The following PTPRD variants were observed in gnomAD, a reference collection of about 807,000 sequenced individuals.
The protein encoded by PTPRD is receptor-type tyrosine-protein phosphatase delta.
PTPRD carries 34 observed loss-of-function variants against 214.5 expected under a neutral mutation model. That is an observed-to-expected ratio of 0.16 (90% CI 0.12 to 0.21). PTPRD has a LOEUF of 0.21. PTPRD is among the 10% of genes least tolerant of loss of function. The pLI, the probability that PTPRD is intolerant of heterozygous loss-of-function variation, is 1.00. For synonymous variants in PTPRD, 1,128 were observed against 845.7 expected, an observed-to-expected ratio of 1.33 and a Z score of -5.79; for missense variants, 2,545 against 2,398.7, an observed-to-expected ratio of 1.06 and a Z score of -1.27.
intron 9 of PTPRD, among the ~76,000 whole-genome samples, chr9:9,367,780 C>T (rs1026062414): frequency 1.3e-5 from 2 of 151,616 alleles, no homozygotes; most frequent in Admixed American, 1.3e-4. Context: ...ATTTGCAAAG[C>T]AATCTGAGAA....
chr9:10,447,077 AC>A (rs1238001104), intron 2 of PTPRD, among the ~76,000 whole-genome samples: 1 of 152,100 alleles, frequency 6.6e-6, no homozygotes, highest in African/African-American at 2.4e-5. Context: ...CAGAGAGAAA[AC>A]TTTTGCCAAC....
intron 7 of PTPRD, among the ~76,000 whole-genome samples, chr9:9,609,436 C>A (rs1264596570): frequency 6.6e-6 from 1 of 152,070 alleles, no homozygotes; most frequent in African/African-American, 2.4e-5. Flanking sequence ...AGATGTATAT[C>A]AAGTAACAAT....
chr9:8,829,000 C>A (rs2097230138), intron 11 of PTPRD, among the ~76,000 whole-genome samples: 1 of 152,188 alleles, frequency 6.6e-6, no homozygotes, highest in Non-Finnish European at 1.5e-5. Context: ...ACTGTGCCAG[C>A]AATGCCATCT....
In PTPRD at chr9:10,535,164, C is replaced by A. The variant is rs567333383; in HGVS notation, c.-600+77234G>T. On this transcript the variant is annotated intron_variant, in intron 2 of 45. Transcript: ENST00000381196. ...TTTTATGGAGAATATGTTTTATAAA[C>A]CCCAAGGGACCATTTATCACAAATT... 2.3e-3 allele frequency among the ~76,000 whole-genome samples: 354 copies of A among 152,132 alleles called. 2 individuals carry two copies. Among genetic ancestry groups the A allele is most frequent in the Non-Finnish European group, 4.2e-3 (287 of 68,002 alleles).
intron 7 of PTPRD, among the ~76,000 whole-genome samples, chr9:9,690,184 T>C (rs143827165): frequency 6.6e-6 from 1 of 151,882 alleles, no homozygotes; most frequent in Admixed American, 6.6e-5. Context: ...TAAGCCATTT[T>C]AAGTGGAGTG....
At chr9:9,219,329 T>C (rs1311664304) in intron 9 of PTPRD, among the ~76,000 whole-genome samples, 1 of 152,072 alleles carries the variant, frequency 6.6e-6, no homozygotes, top group East Asian at 1.9e-4. Context: ...AAAAATAGGA[T>C]TATATTTCAG....
intron 4 of PTPRD, among the ~76,000 whole-genome samples, chr9:9,973,777 T>C (rs2095246171): frequency 6.6e-6 from 1 of 150,948 alleles, no homozygotes; most frequent in Admixed American, 6.6e-5. Context: ...GTAAGGAGTC[T>C]TTTTTTTTCA....
chr9:8,335,781 C>T (rs1321164421), intron 43 of PTPRD, among the ~76,000 whole-genome samples: 4 of 152,160 alleles, frequency 2.6e-5, no homozygotes, highest in Non-Finnish European at 4.4e-5. Context: ...TGATAAGAAA[C>T]TTCAGCAAAA....
At chr9:9,441,231 C>T (rs553440688) in intron 8 of PTPRD, among the ~76,000 whole-genome samples, 3 of 152,060 alleles carry the variant, frequency 2.0e-5, no homozygotes, top group East Asian at 1.9e-4. Flanking sequence ...ATCCTCGAAG[C>T]GGTGTGGGAG....
intron 6 of PTPRD, among the ~76,000 whole-genome samples, chr9:9,738,212 C>A (rs553647310): frequency 6.6e-6 from 1 of 152,050 alleles, no homozygotes; most frequent in African/African-American, 2.4e-5. Flanking sequence ...TGTAACAAAC[C>A]TGCACGTTGT....
intron 4 of PTPRD, among the ~76,000 whole-genome samples, chr9:9,984,632 G>T (rs2095648282): frequency 1.3e-5 from 2 of 152,132 alleles, no homozygotes; most frequent in African/African-American, 2.4e-5. Context: ...TAGTGGAGGT[G>T]CACATGGGCA....
At chr9:9,726,845 A>G (rs1409844791) in intron 7 of PTPRD, among the ~76,000 whole-genome samples, 1 of 152,182 alleles carries the variant, frequency 6.6e-6, no homozygotes, top group Non-Finnish European at 1.5e-5. Context: ...TAGGAGTGTC[A>G]GCTGAAAATT....
chr9:8,972,468 A>G (rs2099244289), intron 11 of PTPRD, among the ~76,000 whole-genome samples: 2 of 151,836 alleles, frequency 1.3e-5, no homozygotes, highest in Admixed American at 6.6e-5. Flanking sequence ...TACATTTACA[A>G]TTAGGAAGAA....
intron 6 of PTPRD, among the ~76,000 whole-genome samples, chr9:9,750,147 T>G (rs999839901): frequency 3.3e-5 from 5 of 152,216 alleles, no homozygotes; most frequent in Non-Finnish European, 7.3e-5. Flanking sequence ...TGCTAAATCC[T>G]TTATTCCTCT....
At chr9:10,376,212 T>C (rs2097724908) in intron 2 of PTPRD, among the ~76,000 whole-genome samples, 1 of 151,918 alleles carries the variant, frequency 6.6e-6, no homozygotes, top group African/African-American at 2.4e-5. Flanking sequence ...TCATTTCTTA[T>C]CAGGTATTAT....
rs542100050 is a variant in PTPRD at position 8,818,097 on chromosome 9, G to C, written c.-103-84151C>G. 5.3e-5 allele frequency among the ~76,000 whole-genome samples: 8 copies of C among 152,262 alleles called. 1 individual carries two copies. Among genetic ancestry groups the C allele is most frequent in the African/African-American group, 1.9e-4 (8 of 41,554 alleles). Reference sequence around the variant, plus strand: ...TGAATTTCAATTGAACTACAATTAAGAGCATCTGAAACACTGTATAAATCA... The same window carrying C: ...TGAATTTCAATTGAACTACAATTAACAGCATCTGAAACACTGTATAAATCA... On this transcript the variant is annotated intron_variant, in intron 11 of 45. Transcript: ENST00000381196.
At chr9:9,811,765 G>C (rs2047225302) in intron 5 of PTPRD, among the ~76,000 whole-genome samples, 2 of 152,072 alleles carry the variant, frequency 1.3e-5, no homozygotes. Flanking sequence ...AAGATGCTGT[G>C]GATATTGTTG....
intron 12 of PTPRD, among the ~76,000 whole-genome samples, chr9:8,644,351 C>T (rs2096642539): frequency 6.6e-6 from 1 of 152,154 alleles, no homozygotes; most frequent in Admixed American, 6.5e-5. Context: ...TCTGAGCTTT[C>T]CTATTGCTCA....
chr9:9,381,905 TAA>T (rs35036506), intron 9 of PTPRD, among the ~76,000 whole-genome samples: 4 of 145,946 alleles, frequency 2.7e-5, no homozygotes, highest in African/African-American at 2.5e-5. Flanking sequence ...ACTATTTCTG[TAA>T]AAAAAAAAAA....
Sources: gnomAD v4.1 joint callset for allele counts (sites outside exome capture counted in the v4.1 genomes callset) on GRCh38, gnomAD v4.1.1 for gene constraint, MANE v1.5 for transcripts, NCBI Gene and HGNC (gene_info 2026-07-23, HGNC 2026-07-21) for gene names.